KPNA4: variants seen among roughly 807,000 people sequenced by gnomAD.
The protein encoded by KPNA4 is karyopherin subunit alpha 4.
Under a neutral mutation model 71.3 loss-of-function variants are expected in KPNA4, and 13 were observed. That is an observed-to-expected ratio of 0.18 (90% CI 0.12 to 0.29). KPNA4 has a LOEUF of 0.29. Among genes scored for constraint, KPNA4 ranks in the 10% least tolerant of loss-of-function variants. The pLI is 1.00. For synonymous variants in KPNA4, 189 were observed against 195.2 expected (o/e 0.97, Z 0.26); for missense variants, 334 against 603.2 (o/e 0.55, Z 4.67).
chr3:160,553,125 G>A (rs1722074049), intron 1 of KPNA4, among the ~76,000 whole-genome samples: 1 of 152,202 alleles, frequency 6.6e-6, no homozygotes, highest in South Asian at 2.1e-4. Context: ...AAAGTTAACA[G>A]GAAAGTAAGA....
chr3:160,519,231 C>A (rs562027761), intron 11 of KPNA4, among the ~76,000 whole-genome samples: 2 of 152,096 alleles, frequency 1.3e-5, no homozygotes, highest in African/African-American at 2.4e-5. Context: ...TTATTTAGGT[C>A]TTCTTTAATG....
At chr3:160,527,303 A>G (rs1248966041) in intron 8 of KPNA4, among the ~76,000 whole-genome samples, 1 of 152,206 alleles carries the variant, frequency 6.6e-6, no homozygotes, top group Non-Finnish European at 1.5e-5. Flanking sequence ...TAGTTAAAAA[A>G]ACAAATCCTT....
At chr3:160,564,000 T>C (rs573002804) in intron 1 of KPNA4, among the ~76,000 whole-genome samples, 1 of 152,274 alleles carries the variant, frequency 6.6e-6, no homozygotes, top group East Asian at 1.9e-4. Context: ...GACTCTCAAG[T>C]TCAGAAATGC....
At chr3:160,543,859 A>G (rs1721853475) in intron 1 of KPNA4, among the ~76,000 whole-genome samples, 1 of 149,402 alleles carries the variant, frequency 6.7e-6, no homozygotes, top group South Asian at 2.1e-4. Flanking sequence ...GGAATCCTTG[A>G]CCTTTTTTTT....
rs1240407004 is a variant in KPNA4, at chr3:160,515,524, T to C, written c.960A>G (p.Gln320=). 1 of 1,613,940 alleles carries C rather than the reference T, an allele frequency of 6.2e-7. No homozygotes were observed. The highest frequency in any genetic ancestry group is 8.5e-7 in the Non-Finnish European group (1 of 1,179,812). The change falls in exon 12 of 17, where the codon CAA becomes CAG. Residue 320 remains glutamine (Q), a synonymous_variant. Transcript: ENST00000334256. ...NIVTGTDEQT[Q]VVLNCDALSH... ...AAAGAGCATCACAGTTCAAAACTAC[T>C]TGTGTTTGCTCATCAGTTCCAGTAA...
intron 11 of KPNA4, among the ~76,000 whole-genome samples, chr3:160,516,338 AG>A (rs1721220439): frequency 6.6e-6 from 1 of 150,986 alleles, no homozygotes. Context: ...GCACTGATGT[AG>A]GAACAGAGAT....
intron 1 of KPNA4, 120 bp downstream of exon 1, chr3:160,565,094 T>G: frequency 1.2e-6 from 1 of 803,380 alleles, no homozygotes; most frequent in East Asian, 2.7e-5. Context: ...GGCCGGCCCC[T>G]AGCGCCATTC....
At chr3:160,532,966 T>C (rs1192024756) in intron 5 of KPNA4, among the ~76,000 whole-genome samples, 1 of 152,228 alleles carries the variant, frequency 6.6e-6, no homozygotes, top group Admixed American at 6.5e-5. Context: ...ATGTTTTACA[T>C]AACACCATCT....
chr3:160,498,139 C>A lies in KPNA4; in HGVS notation c.*3965G>T, dbSNP rs1053166241. ...TGGGCAAGTCACCTCAACAACTCAT[C>A]ATCTAAAGGGAAGGGTTGGGACAGA... On this transcript the variant is annotated 3_prime_UTR_variant, in exon 17 of 17. Transcript: ENST00000334256. 6.6e-6 allele frequency: 1 copy of A among 152,118 alleles called. No individual in the cohort carries two copies. The highest frequency in any genetic ancestry group is 2.4e-5 in the African/African-American group (1 of 41,400). The allele number at this position is 152,118 out of a possible 1,614,324, so 9.4% of individuals were successfully genotyped here.
In KPNA4 at chr3:160,565,264, G is replaced by C. The variant is rs763354313; in HGVS notation, c.19C>G (p.Leu7Val). The C allele has an allele frequency of 5.6e-6, 9 of 1,607,844 alleles. No homozygotes were observed. The Admixed American group carries it at 1.2e-4, about 21-fold the overall frequency. MADNEK[L>V]DNQRLKNFKN... The stretch of plus-strand genomic sequence containing the variant: ...AAATTCTTGAGCCGTTGGTTGTCCA[G>C]TTTCTCGTTGTCCGCCATGGCCGGG... Residue 7 changes from leucine (L) to valine (V), a missense_variant, in exon 1 of 17, where the codon CTG (leucine) becomes GTG (valine). Transcript: ENST00000334256.
intron 1 of KPNA4, among the ~76,000 whole-genome samples, chr3:160,550,696 G>A (rs949364363): frequency 2.0e-5 from 3 of 152,162 alleles, no homozygotes; most frequent in African/African-American, 2.4e-5. Context: ...TAGTTTGAGT[G>A]TTTTTATCAT....
intron 1 of KPNA4, among the ~76,000 whole-genome samples, chr3:160,551,939 T>A (rs1359774534): frequency 1.9e-4 from 12 of 62,168 alleles, no homozygotes; most frequent in Admixed American, 1.8e-3. Flanking sequence ...TTGTCACAAC[T>A]GGGGGGGGGG....
chr3:160,517,472 G>A (rs1379279532), intron 11 of KPNA4, among the ~76,000 whole-genome samples: 1 of 152,034 alleles, frequency 6.6e-6, no homozygotes, highest in East Asian at 1.9e-4. Flanking sequence ...TCTTGGGTAT[G>A]TACCTAAGAG....
At chr3:160,554,422 G>T (rs1252536188) in intron 1 of KPNA4, among the ~76,000 whole-genome samples, 2 of 152,028 alleles carry the variant, frequency 1.3e-5, no homozygotes, top group Non-Finnish European at 2.9e-5. Flanking sequence ...TGTCTCTATG[G>T]ACTTGCCTAT....
At chr3:160,522,659 C>T (rs964576466) in intron 10 of KPNA4, among the ~76,000 whole-genome samples, 16 of 152,256 alleles carry the variant, frequency 1.1e-4, no homozygotes, top group African/African-American at 3.6e-4. Context: ...GGGGTTTCAC[C>T]GTGTTAGCCA....
chr3:160,517,909 A>G (rs559230483), intron 11 of KPNA4, among the ~76,000 whole-genome samples: 57 of 152,216 alleles, frequency 3.7e-4, no homozygotes, highest in African/African-American at 1.4e-3. Context: ...CTTCTATTCT[A>G]TGGGTTGTCT....
chr3:160,555,097 G>A (rs1722110941), intron 1 of KPNA4, among the ~76,000 whole-genome samples: 1 of 152,202 alleles, frequency 6.6e-6, no homozygotes, highest in Non-Finnish European at 1.5e-5. Flanking sequence ...TCTCCAGGTA[G>A]ACAGTGTCAG....
chr3:160,563,912 C>A (rs1031257806), intron 1 of KPNA4, among the ~76,000 whole-genome samples: 4 of 151,974 alleles, frequency 2.6e-5, no homozygotes, highest in African/African-American at 4.8e-5. Flanking sequence ...AATTATGAAA[C>A]CCACTAAAAC....
intron 1 of KPNA4, among the ~76,000 whole-genome samples, chr3:160,561,701 A>C (rs1033986050): frequency 6.6e-6 from 1 of 152,060 alleles, no homozygotes. Context: ...CTGCCCTTCA[A>C]TGAGCAGCTA....
Sources: gnomAD v4.1 joint callset for allele counts (sites outside exome capture counted in the v4.1 genomes callset) on GRCh38, gnomAD v4.1.1 for gene constraint, MANE v1.5 for transcripts, NCBI Gene and HGNC (gene_info 2026-07-23, HGNC 2026-07-21) for gene names.